The following STEAP4 variants were observed in gnomAD, a reference collection of about 807,000 sequenced individuals.
The protein encoded by STEAP4 is metalloreductase STEAP4.
Under a neutral mutation model 43.6 loss-of-function variants are expected in STEAP4, and 36 were observed. That is an observed-to-expected ratio of 0.83 (90% confidence interval 0.63 to 1.09). The LOEUF is 1.09. Ranked by LOEUF, STEAP4 falls within the 50% of genes least tolerant of loss-of-function variation. The pLI is 0.00. For missense variants in STEAP4, 495 were observed against 546.5 expected (o/e 0.91, Z 0.94); for synonymous variants, 191 against 196.7 (o/e 0.97, Z 0.24).
At chr7:88,284,993 A>G (rs1202122184) in intron 1 of STEAP4, among the ~76,000 whole-genome samples, 1 of 152,162 alleles carries the variant, frequency 6.6e-6, no homozygotes, top group Non-Finnish European at 1.5e-5. Flanking sequence ...TGCTATGACC[A>G]CTTTAGTTAT....
Position 88,279,291 on chromosome 7 carries a change from T to C in STEAP4, c.*107A>G, listed in dbSNP as rs373477349. The C allele has an allele frequency of 6.1e-5, 64 of 1,047,092 alleles. 1 individual carries two copies. Among genetic ancestry groups the C allele is most frequent in the East Asian group, 5.3e-4 (21 of 39,884 alleles). The allele number at this position is 1,047,092 out of a possible 1,614,324, so 64.9% of individuals were successfully genotyped here. A position where few individuals can be genotyped will look rare whatever the true frequency, so the allele number is the denominator to read the frequency against. The stretch of plus-strand genomic sequence containing the variant: ...TCAGTCACGGTGTAAGAAAAAAACT[T>C]TCCTAACTGTACCCATCATTCTTCT... On this transcript the variant is annotated 3_prime_UTR_variant, in exon 5 of 5. Coordinates refer to ENST00000380079, the MANE Select transcript of STEAP4 (RefSeq NM_024636.4).
At chr7:88,287,750 A>G (rs1230754016) in intron 1 of STEAP4, among the ~76,000 whole-genome samples, 1 of 152,210 alleles carries the variant, frequency 6.6e-6, no homozygotes, top group African/African-American at 2.4e-5. Flanking sequence ...TGCTATCCAT[A>G]GGAGCAATCT....
Position 88,277,797 on chromosome 7 carries a change from T to A in STEAP4, c.*1601A>T, listed in dbSNP as rs544141288. On this transcript the variant is annotated 3_prime_UTR_variant, in exon 5 of 5. Coordinates refer to ENST00000380079, the MANE Select transcript of STEAP4 (RefSeq NM_024636.4). ...ATCACTTGAACCTGGGAGGAGGAGG[T>A]TGCAGTGAGCTGAGATCGTGCCACT... The A allele has an allele frequency of 5.9e-5, 9 of 152,030 alleles. No homozygotes were observed. In the East Asian group the frequency reaches 1.7e-3, roughly 30 times the overall value. The allele number at this position is 152,030 out of a possible 1,614,324, so 9.4% of individuals were successfully genotyped here.
intron 1 of STEAP4, among the ~76,000 whole-genome samples, chr7:88,301,368 G>C (rs1282414838): frequency 6.6e-6 from 1 of 152,128 alleles, no homozygotes; most frequent in African/African-American, 2.4e-5. Flanking sequence ...GACCTCCCAG[G>C]CTCAAGAGAT....
chr7:88,305,130 T>C (rs2116043053), intron 1 of STEAP4, among the ~76,000 whole-genome samples: 1 of 152,314 alleles, frequency 6.6e-6, no homozygotes, highest in Non-Finnish European at 1.5e-5. Flanking sequence ...CCAGGCCTTG[T>C]ACACCTGGTT....
chr7:88,293,713 G>A (rs1852878732), intron 1 of STEAP4, among the ~76,000 whole-genome samples: 12 of 152,004 alleles, frequency 7.9e-5, no homozygotes, highest in Admixed American at 7.9e-4. Flanking sequence ...TTGCTGAATT[G>A]CTTTCACATT....
Position 88,283,155 on chromosome 7 carries a change from C to A in STEAP4, c.470G>T (p.Gly157Val), listed in dbSNP as rs767869657. The A allele has an allele frequency of 6.5e-7, 1 of 1,549,974 alleles. No homozygotes were observed. Among genetic ancestry groups the A allele is most frequent in the South Asian group, 1.3e-5 (1 of 78,854 alleles). ...LDASRQVFVC[G>V]NDSKAKQRVM... is the part of the protein sequence containing the mutation. ...TCTTTGCTTGGCTTTGCTGTCATTT[C>A]CACACACAAACACCTAGTTTAAAAA... Residue 157 changes from glycine to valine, a missense_variant, in exon 3 of 5, where the codon GGA (glycine) becomes GTA (valine). Gly to Val is a moderately radical substitution (Grantham distance 109). Transcript: ENST00000380079.
rs1337032665 is a variant in STEAP4, at chr7:88,278,271, T to C, written c.*1127A>G. 6.6e-6 allele frequency: 1 copy of C among 152,178 alleles called. No individual in the cohort carries two copies. Among genetic ancestry groups the C allele is most frequent in the Non-Finnish European group, 1.5e-5 (1 of 68,046 alleles). The allele number at this position is 152,178 out of a possible 1,614,324, so 9.4% of individuals were successfully genotyped here. On this transcript the variant is annotated 3_prime_UTR_variant, in exon 5 of 5. Coordinates refer to ENST00000380079, the MANE Select transcript of STEAP4 (RefSeq NM_024636.4). The stretch of plus-strand genomic sequence containing the variant: ...ACCATCCTAAATTTCAGCAAGGATT[T>C]GAGAAAGATCCAAATTTCACATAAT...
At chr7:88,284,328 T>C (rs1852687698) in intron 1 of STEAP4, 57 bp from the exon 2 acceptor site, 1 of 1,223,910 alleles carries the variant, frequency 8.2e-7, no homozygotes, top group Non-Finnish European at 1.1e-6. Context: ...GCCTGGAAAA[T>C]TAAAGAGAGC....
chr7:88,292,604 T>G (rs1201702567), intron 1 of STEAP4: 2 of 152,194 alleles, frequency 1.3e-5, no homozygotes, highest in Non-Finnish European at 2.9e-5. Flanking sequence ...TGGAGCCATA[T>G]GCATGTATAT....
At chr7:88,280,772 TG>T in intron 4 of STEAP4, 142 bp downstream of exon 4, 1 of 800,406 alleles carries the variant, frequency 1.2e-6, no homozygotes, top group Non-Finnish European at 1.9e-6. Context: ...TCAGGAATCT[TG>T]GCGAGTATTA....
chr7:88,294,647 A>C (rs1472710372), intron 1 of STEAP4, among the ~76,000 whole-genome samples: 3 of 152,034 alleles, frequency 2.0e-5, no homozygotes, highest in Non-Finnish European at 4.4e-5. Flanking sequence ...TTTAGTAATA[A>C]GAACAAAGAT....
intron 1 of STEAP4, among the ~76,000 whole-genome samples, chr7:88,296,841 G>A (rs897789181): frequency 1.3e-5 from 2 of 152,036 alleles, no homozygotes; most frequent in Admixed American, 6.6e-5. Flanking sequence ...TTATTGGCAG[G>A]TAGGTATTAC....
intron 1 of STEAP4, among the ~76,000 whole-genome samples, chr7:88,305,083 TA>T (rs1340348166): frequency 6.6e-6 from 1 of 152,198 alleles, no homozygotes; most frequent in Non-Finnish European, 1.5e-5. Flanking sequence ...CGAGCTTTAG[TA>T]AGGCAGAAGT....
At position 88,301,110 on chromosome 7, in the gene STEAP4, C is replaced by T. The variant is rs984601224; in HGVS notation, c.-3+5682G>A. On this transcript the variant is annotated intron_variant, in intron 1 of 4. Transcript: ENST00000380079. ...CTAGGGTAAGTGCAGTTTAGGATCT[C>T]AACTATGAAAACCAGAGGCAACTGG... Among the ~76,000 whole-genome samples, 8 of 152,174 alleles carry T rather than the reference C, an allele frequency of 5.3e-5. No individual in the cohort carries two copies. The South Asian group carries it at 1.0e-3, about 20-fold the overall frequency.
chr7:88,295,705 C>T (rs1485987532), intron 1 of STEAP4, among the ~76,000 whole-genome samples: 1 of 152,248 alleles, frequency 6.6e-6, no homozygotes, highest in Admixed American at 6.5e-5. Context: ...AGAGCCCAGG[C>T]ATCTGTATTT....
chr7:88,295,514 T>G (rs1852910184), intron 1 of STEAP4, among the ~76,000 whole-genome samples: 1 of 152,114 alleles, frequency 6.6e-6, no homozygotes, highest in South Asian at 2.1e-4. Context: ...CCCAGGTGAT[T>G]CAAATGTACA....
chr7:88,292,432 C>T (rs959728540), intron 1 of STEAP4: 2 of 151,944 alleles, frequency 1.3e-5, no homozygotes, highest in African/African-American at 2.4e-5. Flanking sequence ...CTTAACAAGT[C>T]AATTCTTATT....
Position 88,284,179 on chromosome 7 carries a change from C to CA in STEAP4, c.90dup (p.Gly31TrpfsTer57). On this transcript the variant is annotated frameshift_variant, in exon 2 of 5. Transcript: ENST00000380079. LOFTEE classifies it high-confidence loss of function. ...AGCATTTTCAATCCCAGTGATCTTC[C>CA]AAAATCACCAGTTCCAAAAATACAT... 1 of 1,614,060 alleles carries CA rather than the reference C, an allele frequency of 6.2e-7. No individual in the cohort carries two copies. The highest frequency in any genetic ancestry group is 2.2e-5 in the East Asian group (1 of 44,884).
Sources: gnomAD v4.1 joint callset for allele counts (sites outside exome capture counted in the v4.1 genomes callset) on GRCh38, gnomAD v4.1.1 for gene constraint, MANE v1.5 for transcripts, NCBI Gene and HGNC (gene_info 2026-07-23, HGNC 2026-07-21) for gene names.